The following PCDHGB1 variants were observed in gnomAD, a reference collection of about 807,000 sequenced individuals.
The protein encoded by PCDHGB1 is protocadherin gamma subfamily B, 1.
Under a neutral mutation model 56.6 loss-of-function variants are expected in PCDHGB1, and 34 were observed. The observed-to-expected ratio is 0.60, with a 90% CI of 0.46 to 0.80. The LOEUF (loss-of-function observed/expected upper bound fraction) is 0.80, where lower values mean the gene tolerates loss of function less well. Among genes scored for constraint, PCDHGB1 ranks in the 30% least tolerant of loss-of-function variants. The pLI, the probability that PCDHGB1 is intolerant of heterozygous loss-of-function variation, is 0.00. For synonymous variants in PCDHGB1, 561 were observed against 505.9 expected (o/e 1.11, Z -1.46); for missense variants, 1,278 against 1,204.6 (o/e 1.06, Z -0.90).
chr5:141,447,449 C>A (rs2098539583), intron 1 of PCDHGB1, among the ~76,000 whole-genome samples: 1 of 152,058 alleles, frequency 6.6e-6, no homozygotes, highest in Non-Finnish European at 1.5e-5. Flanking sequence ...AAATTTTTAA[C>A]CTCAGTTTTT....
chr5:141,388,676 G>C, intron 1 of PCDHGB1: 1 of 1,613,946 alleles, frequency 6.2e-7, no homozygotes, highest in Non-Finnish European at 8.5e-7. Context: ...TGCTACAGGT[G>C]ACTGCCACGG....
rs376890554 is a variant in PCDHGB1 at position 141,408,250 on chromosome 5, G to A, written c.2409+55581G>A. 3.6e-4 allele frequency: 569 copies of A among 1,595,986 alleles called. 5 individuals are homozygous for A. The highest frequency in any genetic ancestry group is 1.7e-3 in the South Asian group (151 of 89,354). On this transcript the variant is annotated intron_variant, in intron 1 of 3. Coordinates refer to ENST00000523390, the MANE Select transcript of PCDHGB1 (RefSeq NM_018922.3). ...GGCGCCGGGCCGGCCCGCGGCAGGT[G>A]CTATTTCCTTTGCTGCTGCCTTTGT... is the stretch of plus-strand genomic sequence containing the variant.
chr5:141,408,184 G>A, intron 1 of PCDHGB1: 1 of 1,541,100 alleles, frequency 6.5e-7, no homozygotes, highest in Non-Finnish European at 8.8e-7. Flanking sequence ...CGGGGACCCA[G>A]CGAGAACCCG....
At chr5:141,430,991 A>T (rs2097333608) in intron 1 of PCDHGB1, 1 of 1,613,980 alleles carries the variant, frequency 6.2e-7, no homozygotes, top group African/African-American at 1.3e-5. Context: ...TTTCGCCCTG[A>T]ATCCGCGCAG....
intron 1 of PCDHGB1, among the ~76,000 whole-genome samples, chr5:141,430,329 T>G (rs1466381565): frequency 1.3e-5 from 2 of 151,776 alleles, no homozygotes; most frequent in Non-Finnish European, 2.9e-5. Flanking sequence ...AATCATTGTT[T>G]ATAGAAACTT....
intron 1 of PCDHGB1, chr5:141,479,437 C>G (rs2099496053): frequency 6.6e-6 from 1 of 152,224 alleles, no homozygotes; most frequent in Admixed American, 6.5e-5. Flanking sequence ...AATCCACTGT[C>G]TGCACTAAGT....
chr5:141,474,188 T>C (rs1203777014), intron 1 of PCDHGB1, among the ~76,000 whole-genome samples: 1 of 152,216 alleles, frequency 6.6e-6, no homozygotes, highest in Non-Finnish European at 1.5e-5. Context: ...CTACTTACAT[T>C]TTTAAAAGCT....
chr5:141,361,722 G>T lies in PCDHGB1; in HGVS notation c.2409+9053G>T, dbSNP rs1055343952. 6 of 1,613,196 alleles carry T rather than the reference G, an allele frequency of 3.7e-6. No homozygotes were observed. Among genetic ancestry groups the T allele is most frequent in the Non-Finnish European group, 4.2e-6 (5 of 1,179,854 alleles). On this transcript the variant is annotated intron_variant, in intron 1 of 3. Coordinates refer to ENST00000523390, the MANE Select transcript of PCDHGB1 (RefSeq NM_018922.3). ...ATCATGAGCAGCTGCGCGCCTTCGA[G>T]CTCACACTGCAGGCCCGCGACCAGG...
rs144113016 is a variant in PCDHGB1 at position 141,428,135 on chromosome 5, G to T, written c.2410-66672G>T. On this transcript the variant is annotated intron_variant, in intron 1 of 3. Coordinates refer to ENST00000523390, the MANE Select transcript of PCDHGB1 (RefSeq NM_018922.3). Reference sequence around the variant, plus strand: ...CCATCGAGCCCGGGCTTTTCAGCCTGGGGCTGCACACGGGAACCTGCTGGT... The same window carrying T: ...CCATCGAGCCCGGGCTTTTCAGCCTTGGGCTGCACACGGGAACCTGCTGGT... 347 of 1,601,046 alleles carry T rather than the reference G, an allele frequency of 2.2e-4. No homozygotes were observed. The African/African-American group carries it at 3.9e-3, about 18-fold the overall frequency.
intron 1 of PCDHGB1, chr5:141,374,746 C>T (rs1242744421): frequency 2.5e-6 from 4 of 1,612,108 alleles, no homozygotes; most frequent in East Asian, 4.5e-5. Context: ...GCGACCCTGT[C>T]CGCTCAAGCG....
chr5:141,392,810 A>G (rs772526220), intron 1 of PCDHGB1: 41 of 1,580,272 alleles, frequency 2.6e-5, no homozygotes, highest in Middle Eastern at 1.7e-4. Context: ...GCAGCAAAAC[A>G]ACAATGGCCG....
At chr5:141,430,557 G>C (rs1161595629) in intron 1 of PCDHGB1, 5 of 412,906 alleles carry the variant, frequency 1.2e-5, no homozygotes, top group Non-Finnish European at 1.7e-5. Context: ...TTCACCAATC[G>C]GGGAGAGAAA....
chr5:141,427,855 G>T (rs2097079766), intron 1 of PCDHGB1: 1 of 1,553,826 alleles, frequency 6.4e-7, no homozygotes, highest in Non-Finnish European at 8.8e-7. Flanking sequence ...GAGCAGCTGT[G>T]CGCCTTCGAG....
intron 1 of PCDHGB1, chr5:141,362,628 C>T (rs1366089431): frequency 1.0e-5 from 15 of 1,498,628 alleles, no homozygotes; most frequent in African/African-American, 7.0e-5. Context: ...AGTTCCACTG[C>T]GTATTTCTTT....
intron 1 of PCDHGB1, chr5:141,389,158 G>A (rs774342496): frequency 5.0e-6 from 8 of 1,613,850 alleles, no homozygotes; most frequent in African/African-American, 2.7e-5. Context: ...GCAACAGATC[G>A]GGGCAAGCCT....
intron 1 of PCDHGB1, chr5:141,418,385 G>T: frequency 6.2e-7 from 1 of 1,613,930 alleles, no homozygotes; most frequent in Non-Finnish European, 8.5e-7. Context: ...AAGTCCTAAC[G>T]AGTATTTCTC....
At position 141,352,089 on chromosome 5, in the gene PCDHGB1, C is replaced by T. The variant is rs1758913070; in HGVS notation, c.1829C>T (p.Pro610Leu). Reference sequence around the variant, plus strand: ...TACCACGTGCTGCAGGCCAGCGAGCCCGGGCTCTTCAGCCTGGGGTTGCGC... The same window carrying T: ...TACCACGTGCTGCAGGCCAGCGAGCTCGGGCTCTTCAGCCTGGGGTTGCGC... ...LSYHVLQASE[P>L]GLFSLGLRTG... Residue 610 changes from proline to leucine, a missense_variant, in exon 1 of 4, where the codon CCC (proline) becomes CTC (leucine). Pro to Leu is a moderately conservative substitution (Grantham distance 98). Transcript: ENST00000523390. 1 of 1,605,188 alleles carries T rather than the reference C, an allele frequency of 6.2e-7. No homozygotes were observed. The highest frequency in any genetic ancestry group is 8.5e-7 in the Non-Finnish European group (1 of 1,176,700).
intron 1 of PCDHGB1, among the ~76,000 whole-genome samples, chr5:141,484,072 G>A (rs2099591675): frequency 6.6e-6 from 1 of 152,258 alleles, no homozygotes; most frequent in Admixed American, 6.5e-5. Flanking sequence ...TGAAAAGCTT[G>A]CTCTTTTGAA....
Position 141,483,381 on chromosome 5 carries a change from G to T in PCDHGB1, c.2410-11426G>T, listed in dbSNP as rs147887550. ...AAGCTATTGCAATATTTGAAGAGAA[G>T]ATTGATAAATGCTTGAACCAGCACA... On this transcript the variant is annotated intron_variant, in intron 1 of 3. Transcript: ENST00000523390. 2.0e-3 allele frequency among the ~76,000 whole-genome samples: 305 copies of T among 152,292 alleles called. 2 individuals are homozygous for T. Among genetic ancestry groups the T allele is most frequent in the African/African-American group, 6.9e-3 (286 of 41,558 alleles).
Sources: gnomAD v4.1 joint callset for allele counts (sites outside exome capture counted in the v4.1 genomes callset) on GRCh38, gnomAD v4.1.1 for gene constraint, MANE v1.5 for transcripts, NCBI Gene and HGNC (gene_info 2026-07-23, HGNC 2026-07-21) for gene names.